The following SATB2 variants were observed in gnomAD, a reference collection of about 807,000 sequenced individuals.
SATB2 encodes SATB homeobox 2.
A neutral mutation model predicts 73.4 loss-of-function variants in SATB2; 1 was observed. That is an observed-to-expected ratio of 0.01 (90% CI 0.00 to 0.06). The LOEUF (loss-of-function observed/expected upper bound fraction) is 0.06. Among genes scored for constraint, SATB2 ranks in the 10% least tolerant of loss-of-function variants. The probability of loss-of-function intolerance (pLI) is 1.00; values close to 1 mark genes in which losing one functional copy is unlikely to be tolerated. For missense variants in SATB2, 459 were observed against 945.8 expected (o/e 0.49, Z 6.75); for synonymous variants, 397 against 367.0 (o/e 1.08, Z -0.93).
intron 1 of SATB2, among the ~76,000 whole-genome samples, chr2:199,456,975 T>TGGGGGGGGGGG (rs71397724): frequency 9.5e-4 from 118 of 123,584 alleles, no homozygotes; most frequent in South Asian, 1.5e-3. Context: ...ATTGGGGGGG[T>TGGGGGGGGGGG]GGGGGGGGGC....
chr2:199,332,719 C>T (rs182468904), intron 7 of SATB2, among the ~76,000 whole-genome samples: 38 of 152,192 alleles, frequency 2.5e-4, no homozygotes, highest in Non-Finnish European at 2.5e-4. Context: ...GATTTCCATA[C>T]TTCCTTAACA....
chr2:199,323,572 C>T (rs1261343988), intron 9 of SATB2, among the ~76,000 whole-genome samples: 1 of 151,082 alleles, frequency 6.6e-6, no homozygotes, highest in Admixed American at 6.6e-5. Flanking sequence ...AGAAATCATT[C>T]GAGGCTAATT....
rs1687507817 is a variant in SATB2, at chr2:199,308,687, C to T, written c.1740+73G>A. Reference sequence around the variant, plus strand: ...ACAGAAGTTGGTGTGGTGTGTGCCACTTGGACCCTCAGCAGCTACTGCTGG... The same window carrying T: ...ACAGAAGTTGGTGTGGTGTGTGCCATTTGGACCCTCAGCAGCTACTGCTGG... On this transcript the variant is annotated intron_variant, in intron 10 of 10. Transcript: ENST00000417098. This position sits in a 1 kb window ranked among gnomAD's most constrained non-coding sequence, Gnocchi z 4.6. 3 of 1,339,222 alleles carry T rather than the reference C, an allele frequency of 2.2e-6. No homozygotes were observed. Among genetic ancestry groups the T allele is most frequent in the Non-Finnish European group, 3.2e-6 (3 of 938,040 alleles). The allele number at this position is 1,339,222 out of a possible 1,614,324, so 83.0% of individuals were successfully genotyped here.
rs1328128091 is a variant in SATB2 at position 199,271,611 on chromosome 2, T to C, written c.*600A>G. ...CAAAAAATAAATAGGAATTCAAAAATAGTCACCCCACCCTGAGAGCAGGCC... is the reference window on the plus strand; with the variant it reads ...CAAAAAATAAATAGGAATTCAAAAACAGTCACCCCACCCTGAGAGCAGGCC... On this transcript the variant is annotated 3_prime_UTR_variant, in exon 11 of 11. Coordinates refer to ENST00000417098, the MANE Select transcript of SATB2 (RefSeq NM_001172509.2). 6.6e-6 allele frequency: 1 copy of C among 151,174 alleles called. No individual in the cohort carries two copies. The highest frequency in any genetic ancestry group is 2.4e-5 in the African/African-American group (1 of 40,958). 9.4% of individuals were successfully genotyped at this position (151,174 alleles called of 1,614,324 possible). A position where few individuals can be genotyped will look rare whatever the true frequency, so the allele number is the denominator to read the frequency against.
chr2:199,404,721 A>G (rs2105896237), intron 3 of SATB2, among the ~76,000 whole-genome samples: 1 of 152,348 alleles, frequency 6.6e-6, no homozygotes, highest in East Asian at 1.9e-4. Flanking sequence ...ACAAATAAGT[A>G]ACAATTTTTT....
chr2:199,426,588 C>T (rs765338378), intron 3 of SATB2, among the ~76,000 whole-genome samples: 30 of 151,446 alleles, frequency 2.0e-4, no homozygotes, highest in Non-Finnish European at 3.5e-4. Flanking sequence ...TCAGCCACCA[C>T]GCCTGAACCA....
At chr2:199,368,117 T>C (rs566411511) in intron 6 of SATB2, among the ~76,000 whole-genome samples, 1 of 152,194 alleles carries the variant, frequency 6.6e-6, no homozygotes, top group South Asian at 2.1e-4. Context: ...TTAAATAATT[T>C]GCTTAAGCTC....
At chr2:199,414,941 C>T (rs532914324) in intron 3 of SATB2, among the ~76,000 whole-genome samples, 20 of 152,186 alleles carry the variant, frequency 1.3e-4, no homozygotes, top group Admixed American at 3.3e-4. Context: ...CAAGGCAAAA[C>T]GGCAGTCTTC....
chr2:199,325,630 A>G (rs1688007928), intron 8 of SATB2, among the ~76,000 whole-genome samples: 1 of 152,102 alleles, frequency 6.6e-6, no homozygotes, highest in Non-Finnish European at 1.5e-5. Flanking sequence ...CCCTTTCTCA[A>G]TTCAGTTTTC....
At chr2:199,440,077 G>A (rs188568136) in intron 2 of SATB2, among the ~76,000 whole-genome samples, 258 of 152,274 alleles carry the variant, frequency 1.7e-3, no homozygotes, top group Non-Finnish European at 2.7e-3. Context: ...CTGCACCCCA[G>A]CCTGGGCAAC....
rs1446173014 is a variant in SATB2 at position 199,360,745 on chromosome 2, C to A, written c.700+7860G>T. On this transcript the variant is annotated intron_variant, in intron 6 of 10. Coordinates refer to ENST00000417098, the MANE Select transcript of SATB2 (RefSeq NM_001172509.2). The stretch of plus-strand genomic sequence containing the variant: ...CTGATAATTACACTTAGCCCTCATG[C>A]TTCAGTTAGCCACGTTTAGACTCTT... Among the ~76,000 whole-genome samples, 6 of 152,122 alleles carry A rather than the reference C, an allele frequency of 3.9e-5. 1 individual carries two copies. The highest frequency in any genetic ancestry group is 8.8e-5 in the Non-Finnish European group (6 of 68,006).
chr2:199,456,050 C>A lies in SATB2; in HGVS notation c.-13G>T, dbSNP rs1416369378. On this transcript the variant is annotated 5_prime_UTR_variant, in exon 2 of 11. Coordinates refer to ENST00000417098, the MANE Select transcript of SATB2 (RefSeq NM_001172509.2). The stretch of plus-strand genomic sequence containing the variant: ...TCCGCCGCTCCATGCTGCTCCGACT[C>A]GGAGACAAAGTTCCCACCGGCAGGT... 2 of 1,320,548 alleles carry A rather than the reference C, an allele frequency of 1.5e-6. No individual in the cohort carries two copies. Among genetic ancestry groups the A allele is most frequent in the South Asian group, 1.2e-5 (1 of 81,950 alleles). The allele number at this position is 1,320,548 out of a possible 1,614,324, so 81.8% of individuals were successfully genotyped here.
chr2:199,306,241 T>C (rs1006661191), intron 10 of SATB2, among the ~76,000 whole-genome samples: 5 of 152,180 alleles, frequency 3.3e-5, no homozygotes, highest in Non-Finnish European at 7.3e-5. Context: ...CTAGTGTCAG[T>C]TATTTTTCTT....
At chr2:199,315,374 G>A (rs1687702153) in intron 9 of SATB2, among the ~76,000 whole-genome samples, 1 of 152,028 alleles carries the variant, frequency 6.6e-6, no homozygotes, top group South Asian at 2.1e-4. Context: ...ATGTTCAAAT[G>A]ACCAGGGAGG....
At chr2:199,325,447 T>C (rs1688003492) in intron 8 of SATB2, 1 of 152,090 alleles carries the variant, frequency 6.6e-6, no homozygotes, top group African/African-American at 2.4e-5. Context: ...GCCTCCAAAA[T>C]CTCCAATTTA....
intron 3 of SATB2, among the ~76,000 whole-genome samples, chr2:199,393,370 C>T (rs1229566062): frequency 1.3e-5 from 2 of 152,122 alleles, no homozygotes; most frequent in East Asian, 3.9e-4. Flanking sequence ...CAGACCCTTC[C>T]CCAGCATTCT....
At chr2:199,321,460 A>G (rs1687887197) in intron 9 of SATB2, among the ~76,000 whole-genome samples, 1 of 151,430 alleles carries the variant, frequency 6.6e-6, no homozygotes, top group South Asian at 2.1e-4. Flanking sequence ...CACCTTATAG[A>G]TTTATATATG....
chr2:199,428,880 C>T, intron 3 of SATB2, among the ~76,000 whole-genome samples: 1 of 151,988 alleles, frequency 6.6e-6, no homozygotes, highest in East Asian at 1.9e-4. Context: ...GGCATGGTGG[C>T]ATGGCCACCC....
At chr2:199,445,269 T>C (rs1368830388) in intron 2 of SATB2, among the ~76,000 whole-genome samples, 5 of 152,034 alleles carry the variant, frequency 3.3e-5, no homozygotes, top group Admixed American at 6.6e-5. Context: ...CCTGGAACAG[T>C]GTGAAAAAAG....
Sources: gnomAD v4.1 joint callset for allele counts (sites outside exome capture counted in the v4.1 genomes callset) on GRCh38, gnomAD v4.1.1 for gene constraint, Gnocchi (gnomAD v3.1) non-coding constraint, MANE v1.5 for transcripts, NCBI Gene and HGNC (gene_info 2026-07-23, HGNC 2026-07-21) for gene names.